The following CDON variants were observed in gnomAD, a reference collection of about 807,000 sequenced individuals.
CDON encodes cell adhesion molecule-related/down-regulated by oncogenes.
Under a neutral mutation model 120.9 loss-of-function variants are expected in CDON, and 73 were observed. The observed-to-expected ratio is 0.60, with a 90% CI of 0.50 to 0.73. The LOEUF (loss-of-function observed/expected upper bound fraction) is 0.73, where lower values mean the gene tolerates loss of function less well. CDON is among the 30% of genes least tolerant of loss of function. The pLI, the probability that CDON is intolerant of heterozygous loss-of-function variation, is 0.00. For missense variants in CDON, 1,470 were observed against 1,587.3 expected (o/e 0.93, Z 1.26); for synonymous variants, 566 against 573.5 (o/e 0.99, Z 0.19).
At chr11:125,982,487 C>T (rs938675503) in intron 16 of CDON, among the ~76,000 whole-genome samples, 2 of 152,140 alleles carry the variant, frequency 1.3e-5, no homozygotes. Flanking sequence ...CTTAGCTGCC[C>T]ACATTACTGT....
At chr11:126,052,147 T>A (rs1200019070) in intron 1 of CDON, among the ~76,000 whole-genome samples, 1 of 152,164 alleles carries the variant, frequency 6.6e-6, no homozygotes, top group African/African-American at 2.4e-5. Context: ...CTAAATGTAT[T>A]ATGAAAATTA....
intron 7 of CDON, chr11:126,010,946 G>T: frequency 1.9e-6 from 1 of 532,556 alleles, no homozygotes; most frequent in Non-Finnish European, 3.6e-6. Flanking sequence ...TATATATAAA[G>T]AAATCTTTTG....
rs11220313 is a variant in CDON at position 126,010,597 on chromosome 11, C to T, written c.1296G>A (p.Pro432=). 2.9e-3 allele frequency: 4,732 copies of T among 1,614,080 alleles called. 120 individuals carry two copies. In the African/African-American group the frequency reaches 0.055, roughly 19 times the overall value. Residue 432 remains proline (P), a synonymous_variant, in exon 8 of 20, where the codon CCG becomes CCA. Coordinates refer to ENST00000531738, the MANE Select transcript of CDON (RefSeq NM_001378964.1). ...VTLSCNASGL[P]VPVIRWYDSH... is the part of the protein sequence containing the mutation. ...TGTCATACCAACGAATGACCGGAAC[C>T]GGCAGCCCACTGGCATTGCAGGACA...
chr11:126,019,644 C>A lies in CDON; in HGVS notation c.471G>T (p.Arg157=). 1 of 1,614,068 alleles carries A rather than the reference C, an allele frequency of 6.2e-7. No homozygotes were observed. Among genetic ancestry groups the A allele is most frequent in the Non-Finnish European group, 8.5e-7 (1 of 1,180,012 alleles). ...NPKAEVRYKI[R]GKWLEHSTEN... ...CTGTGGAATGTTCCAGCCATTTTCC[C>A]CGGATTTTATAGCGCACCTCAGCTT... The change falls in exon 4 of 20, where the codon CGG becomes CGT. Residue 157 remains arginine, a synonymous_variant. Transcript: ENST00000531738.
intron 1 of CDON, among the ~76,000 whole-genome samples, chr11:126,048,414 T>C (rs1374951752): frequency 2.0e-5 from 3 of 152,164 alleles, no homozygotes; most frequent in Admixed American, 6.5e-5. Context: ...GTAATGGGAA[T>C]GAGATAAGGA....
chr11:125,992,477 G>A (rs1946659003), intron 14 of CDON, among the ~76,000 whole-genome samples: 1 of 152,168 alleles, frequency 6.6e-6, no homozygotes, highest in South Asian at 2.1e-4. Flanking sequence ...AGAGAACACA[G>A]GAAAGCCCCC....
Position 125,994,894 on chromosome 11 carries a change from T to C in CDON, c.2521A>G (p.Thr841Ala). Reference sequence around the variant, plus strand: ...ACCGTCCACTTTAGCATGATCTGAGTATCGCTGACAGCCTCTGTGTATGCA... The same window carrying C: ...ACCGTCCACTTTAGCATGATCTGAGCATCGCTGACAGCCTCTGTGTATGCA... ...HIAYTEAVSD[T>A]QIMLKWTYIP... The change falls in exon 13 of 20, where the codon ACT (threonine) becomes GCT (alanine). Residue 841 changes from threonine (T) to alanine (A), a missense_variant. By Grantham distance (58) the Thr-to-Ala change is moderately conservative (BLOSUM62 0). Transcript: ENST00000531738. 1.2e-6 allele frequency: 2 copies of C among 1,614,120 alleles called. No individual in the cohort carries two copies. The highest frequency in any genetic ancestry group is 1.7e-6 in the Non-Finnish European group (2 of 1,179,986).
At chr11:126,013,407 T>C (rs192632563) in intron 7 of CDON, among the ~76,000 whole-genome samples, 1 of 152,326 alleles carries the variant, frequency 6.6e-6, no homozygotes, top group East Asian at 1.9e-4. Flanking sequence ...CTTCGAAGTT[T>C]GGTAGAACCT....
Position 125,981,232 on chromosome 11 carries a change from A to G in CDON, c.3093T>C (p.Asn1031=). The G allele has an allele frequency of 6.2e-7, 1 of 1,614,148 alleles. No individual in the cohort carries two copies. Among genetic ancestry groups the G allele is most frequent in the Non-Finnish European group, 8.5e-7 (1 of 1,180,036 alleles). The stretch of plus-strand genomic sequence containing the variant: ...CATTGGTTAGGAAGCCTCCGTGAAC[A>G]TTTCCATTTATCTGACTTGCTCCTG... ...TLSGASQING[N]VHGGFLTNGG... The change falls in exon 17 of 20, where the codon AAT becomes AAC. Residue 1031 remains asparagine, a synonymous_variant. Transcript: ENST00000531738.
At chr11:126,050,862 T>C (rs193168575) in intron 1 of CDON, among the ~76,000 whole-genome samples, 2 of 152,246 alleles carry the variant, frequency 1.3e-5, no homozygotes, top group East Asian at 3.9e-4. Context: ...AAGCAATACT[T>C]CACTCCTCTG....
intron 14 of CDON, 70 bp from the exon 15 acceptor site, chr11:125,989,829 G>T: frequency 6.9e-7 from 1 of 1,444,056 alleles, no homozygotes. Context: ...ATTAGTTAAT[G>T]TTTTCAGGAT....
At position 125,961,117 on chromosome 11, in the gene CDON, C is replaced by G. The variant is rs755888316; in HGVS notation, c.3632-12G>C. The G allele has an allele frequency of 1.2e-6, 2 of 1,612,944 alleles. No individual in the cohort carries two copies. The highest frequency in any genetic ancestry group is 3.3e-5 in the Admixed American group (2 of 60,006). On this transcript the variant is annotated splice_polypyrimidine_tract_variant and intron_variant, in intron 19 of 19. Transcript: ENST00000531738. ...GGCACAGCTGTCTCCTGAAACACAG[C>G]AGGGTTTGGGAGCATTATCAAATGA...
At position 125,981,140 on chromosome 11, in the gene CDON, T is replaced by G. The variant is rs1176933751; in HGVS notation, c.3185A>C (p.Asn1062Thr). The G allele has an allele frequency of 3.7e-6, 6 of 1,614,028 alleles. No individual in the cohort carries two copies. Among genetic ancestry groups the G allele is most frequent in the African/African-American group, 1.3e-5 (1 of 74,912 alleles). Residue 1062 changes from asparagine (N) to threonine (T), a missense_variant, in exon 17 of 20, where the codon AAT becomes ACT. Physicochemically the swap from Asn to Thr is moderately conservative, Grantham distance 65 (BLOSUM62 0). Coordinates refer to ENST00000531738, the MANE Select transcript of CDON (RefSeq NM_001378964.1). ...GTAAAGCCCTCCATTTAGGCTCCCA[T>G]TCACAATTCCATTGACTGCATTGGG... ...KVPNAVNGIV[N>T]GSLNGGLYSG...
At chr11:125,988,479 G>A (rs375350471) in intron 15 of CDON, among the ~76,000 whole-genome samples, 27 of 152,242 alleles carry the variant, frequency 1.8e-4, no homozygotes, top group Admixed American at 5.9e-4. Flanking sequence ...AGGCTCAAGC[G>A]ATTCTCCTGT....
At chr11:126,001,889 A>G (rs763322499) in intron 10 of CDON, 39 bp from the exon 11 acceptor site, 34 of 1,460,504 alleles carry the variant, frequency 2.3e-5, no homozygotes, top group Admixed American at 1.7e-5. Context: ...ACATAAGCAT[A>G]TATGTATGTA....
chr11:126,010,750 GCAAAACAAC>G, intron 7 of CDON, 56 bp from the exon 8 acceptor site: 1 of 1,381,742 alleles, frequency 7.2e-7, no homozygotes, highest in Non-Finnish European at 1.0e-6. Context: ...TACCTACGAT[GCAAAACAAC>G]TTCATCCTAT....
rs1435043236 is a variant in CDON, at chr11:125,961,763, T to G, written c.3592A>C (p.Ser1198Arg). The change falls in exon 19 of 20, where the codon AGC (serine) becomes CGC (arginine). Residue 1198 changes from serine to arginine, a missense_variant. By Grantham distance (110) the Ser-to-Arg change is moderately radical. Transcript: ENST00000531738. ...TCCQDIVNDV[S>R]SDGSEDPAEF... ...GCTGGATCTTCTGAGCCATCAGAGCTGACGTCATTTACAATGTCCTGACAG... is the reference window on the plus strand; with the variant it reads ...GCTGGATCTTCTGAGCCATCAGAGCGGACGTCATTTACAATGTCCTGACAG... 1.2e-6 allele frequency: 2 copies of G among 1,614,092 alleles called. No individual in the cohort carries two copies. The highest frequency in any genetic ancestry group is 2.7e-5 in the African/African-American group (2 of 74,946).
chr11:125,962,276 G>A (rs1433186659), intron 18 of CDON, among the ~76,000 whole-genome samples: 1 of 152,174 alleles, frequency 6.6e-6, no homozygotes, highest in East Asian at 1.9e-4. Context: ...TTAGTCCACT[G>A]TCAGAAGTCA....
At position 126,030,282 on chromosome 11, in the gene CDON, A is replaced by C. The variant is rs1947908784; in HGVS notation, c.-61-6745T>G. Reference sequence around the variant, plus strand: ...ATTGCTTTTATAACCCCTTTTCAACATGCTGCCAGAATAATCCTTTGGGAA... The same window carrying C: ...ATTGCTTTTATAACCCCTTTTCAACCTGCTGCCAGAATAATCCTTTGGGAA... On this transcript the variant is annotated intron_variant, in intron 1 of 19. Coordinates refer to ENST00000531738, the MANE Select transcript of CDON (RefSeq NM_001378964.1). 2.0e-5 allele frequency among the ~76,000 whole-genome samples: 3 copies of C among 152,234 alleles called. No individual in the cohort carries two copies. The South Asian group carries it at 6.2e-4, about 31-fold the overall frequency.
Sources: gnomAD v4.1 joint callset for allele counts (sites outside exome capture counted in the v4.1 genomes callset) on GRCh38, gnomAD v4.1.1 for gene constraint, MANE v1.5 for transcripts, NCBI Gene and HGNC (gene_info 2026-07-23, HGNC 2026-07-21) for gene names.